LCP1: variants seen among roughly 807,000 people sequenced by gnomAD.
LCP1 encodes the protein plastin-2.
In LCP1, 23 loss-of-function variants were observed where a neutral mutation model predicts 72.0. The observed-to-expected ratio is 0.32, with a 90% CI of 0.23 to 0.45. The LOEUF (loss-of-function observed/expected upper bound fraction) is 0.45. Ranked by LOEUF, LCP1 falls within the 20% of genes least tolerant of loss-of-function variation. The probability of loss-of-function intolerance (pLI) is 1.00; values close to 1 mark genes in which losing one functional copy is unlikely to be tolerated. For synonymous variants in LCP1, 245 were observed against 275.4 expected, an observed-to-expected ratio of 0.89 and a Z score of 1.09; for missense variants, 571 against 748.3, an observed-to-expected ratio of 0.76 and a Z score of 2.76.
intron 7 of LCP1, among the ~76,000 whole-genome samples, chr13:46,151,372 A>T (rs568930895): frequency 6.6e-6 from 1 of 152,380 alleles, no homozygotes; most frequent in East Asian, 1.9e-4. Flanking sequence ...AAAAATAACC[A>T]AGGCTACTGG....
At chr13:46,129,755 G>T (rs932857808) in intron 15 of LCP1, among the ~76,000 whole-genome samples, 1 of 152,086 alleles carries the variant, frequency 6.6e-6, no homozygotes, top group Non-Finnish European at 1.5e-5. Context: ...GAGCTGAATT[G>T]TGTCTCTTCG....
chr13:46,135,075 C>G (rs1340002928), intron 13 of LCP1, among the ~76,000 whole-genome samples: 1 of 144,186 alleles, frequency 6.9e-6, no homozygotes, highest in African/African-American at 2.6e-5. Flanking sequence ...TGCCACTGCA[C>G]TCCAGCCTGG....
At chr13:46,150,842 GA>G (rs756573443) in intron 8 of LCP1, 93 bp downstream of exon 8, 29 of 1,371,758 alleles carry the variant, frequency 2.1e-5, no homozygotes, top group Non-Finnish European at 2.9e-5. Flanking sequence ...AACTTCTGAA[GA>G]GAGGAAGCCC....
At chr13:46,171,961 T>C (rs1007887189) in intron 1 of LCP1, among the ~76,000 whole-genome samples, 2 of 152,276 alleles carry the variant, frequency 1.3e-5, no homozygotes, top group African/African-American at 4.8e-5. Flanking sequence ...TTCGTACATG[T>C]GGGTACCACA....
intron 1 of LCP1, among the ~76,000 whole-genome samples, chr13:46,174,391 T>A (rs1232711233): frequency 6.6e-6 from 1 of 152,216 alleles, no homozygotes; most frequent in East Asian, 1.9e-4. Context: ...TTTATCAAAA[T>A]TTTAAGTGCC....
intron 8 of LCP1, among the ~76,000 whole-genome samples, chr13:46,150,537 A>G (rs2045757365): frequency 6.6e-6 from 1 of 152,260 alleles, no homozygotes; most frequent in African/African-American, 2.4e-5. Context: ...TGCTGTTATT[A>G]GTATAACTAG....
At chr13:46,148,837 A>G in intron 8 of LCP1, 3 of 904,730 alleles carry the variant, frequency 3.3e-6, no homozygotes, top group Non-Finnish European at 4.0e-6. Context: ...AAAGTGACAG[A>G]AAAAGGAAGC....
chr13:46,142,366 A>G lies in LCP1; in HGVS notation c.1428T>C (p.Val476=), dbSNP rs9534340. The G allele has an allele frequency of 1.9e-6, 3 of 1,614,066 alleles. No individual in the cohort carries two copies. Among genetic ancestry groups the G allele is most frequent in the Non-Finnish European group, 2.5e-6 (3 of 1,179,948 alleles). ...LGKNQAKFSL[V]GIGGQDLNEG... The stretch of plus-strand genomic sequence containing the variant: ...CATTGAGATCTTGTCCACCGATGCC[A>G]ACCAGGGAGAACTTCGCTTGATTCT... Residue 476 remains valine (V), a synonymous_variant, in exon 13 of 16, where the codon GTT becomes GTC. Transcript: ENST00000323076.
rs545547959 is a variant in LCP1 at position 46,172,896 on chromosome 13, T to A, written c.-25+9215A>T. ...TGGAGGGTGAAGTCACTCCCCAAAG[T>A]CTCAAAGTAAGTCAGTGACTGGTCC... On this transcript the variant is annotated intron_variant, in intron 1 of 15. Transcript: ENST00000323076. Among the ~76,000 whole-genome samples the A allele has an allele frequency of 7.9e-5, 12 of 152,202 alleles. No individual in the cohort carries two copies. The East Asian group carries it at 2.1e-3, about 27-fold the overall frequency.
chr13:46,177,070 G>A lies in LCP1; in HGVS notation c.-25+5041C>T, dbSNP rs77529907. On this transcript the variant is annotated intron_variant, in intron 1 of 15. Transcript: ENST00000323076. ...AACAACTGACCATCTTTGAGTAACA[G>A]GCTCCTTGTACTTGCAAGTGGGGCT... Among the ~76,000 whole-genome samples, 668 of 152,284 alleles carry A rather than the reference G, an allele frequency of 4.4e-3. 14 individuals carry two copies. The highest frequency in any genetic ancestry group is 4.6e-3 in the East Asian group (24 of 5,184).
intron 13 of LCP1, among the ~76,000 whole-genome samples, chr13:46,140,720 G>A (rs2138230334): frequency 6.6e-6 from 1 of 152,236 alleles, no homozygotes; most frequent in East Asian, 1.9e-4. Flanking sequence ...ATTATTTTCT[G>A]TATGTTCAAG....
intron 1 of LCP1, among the ~76,000 whole-genome samples, chr13:46,176,812 T>C (rs1382237669): frequency 6.6e-6 from 1 of 152,098 alleles, no homozygotes; most frequent in Non-Finnish European, 1.5e-5. Context: ...CACTTTAGCT[T>C]ATCCAGTCAA....
At chr13:46,180,914 C>T (rs2045952883) in intron 1 of LCP1, among the ~76,000 whole-genome samples, 1 of 152,134 alleles carries the variant, frequency 6.6e-6, no homozygotes, top group Admixed American at 6.5e-5. Flanking sequence ...TTGTTTGAAA[C>T]TATTCAGGTG....
chr13:46,140,285 C>A (rs2045689364), intron 13 of LCP1, among the ~76,000 whole-genome samples: 1 of 152,180 alleles, frequency 6.6e-6, no homozygotes, highest in African/African-American at 2.4e-5. Flanking sequence ...GAGGAAACTA[C>A]TAGAGGCTGT....
intron 1 of LCP1, among the ~76,000 whole-genome samples, chr13:46,165,267 G>A (rs1593961486): frequency 6.6e-6 from 1 of 151,956 alleles, no homozygotes; most frequent in Non-Finnish European, 1.5e-5. Flanking sequence ...CCAGCTACTC[G>A]GGAGGCTGAG....
chr13:46,157,961 A>T (rs748331221), intron 4 of LCP1, among the ~76,000 whole-genome samples: 1 of 152,080 alleles, frequency 6.6e-6, no homozygotes, highest in Non-Finnish European at 1.5e-5. Flanking sequence ...TCCTGACCTC[A>T]GGTGATCCAC....
intron 13 of LCP1, among the ~76,000 whole-genome samples, chr13:46,136,992 T>C (rs138285613): frequency 2.0e-5 from 3 of 152,298 alleles, no homozygotes; most frequent in African/African-American, 7.2e-5. Flanking sequence ...CCCACCTTTA[T>C]ACTAAAGTTT....
At chr13:46,154,169 A>G (rs1005283149) in intron 6 of LCP1, among the ~76,000 whole-genome samples, 7 of 152,244 alleles carry the variant, frequency 4.6e-5, no homozygotes, top group Non-Finnish European at 1.0e-4. Context: ...GTGTTTAATC[A>G]TTGTTCTCAA....
chr13:46,162,490 C>T (rs1472503893), intron 1 of LCP1, among the ~76,000 whole-genome samples: 3 of 151,980 alleles, frequency 2.0e-5, no homozygotes, highest in African/African-American at 4.8e-5. Context: ...TTGGTGGAGA[C>T]GGGGTTTCGC....
Sources: gnomAD v4.1 joint callset for allele counts (sites outside exome capture counted in the v4.1 genomes callset) on GRCh38, gnomAD v4.1.1 for gene constraint, MANE v1.5 for transcripts, NCBI Gene and HGNC (gene_info 2026-07-23, HGNC 2026-07-21) for gene names.